The following SMCO2 variants were observed in gnomAD, a reference collection of about 807,000 sequenced individuals.
SMCO2 encodes the protein single-pass membrane and coiled-coil domain-containing protein 2.
Under a neutral mutation model 29.5 loss-of-function variants are expected in SMCO2, and 25 were observed. The ratio of observed to expected loss-of-function variants is 0.85; its 90% confidence interval spans 0.62 to 1.18. The LOEUF (loss-of-function observed/expected upper bound fraction) is 1.18, where lower values mean the gene tolerates loss of function less well. Among genes scored for constraint, SMCO2 ranks in the 50% most tolerant of loss-of-function variants. The pLI, the probability that SMCO2 is intolerant of heterozygous loss-of-function variation, is 0.00. For missense variants in SMCO2, 348 were observed against 344.5 expected, an observed-to-expected ratio of 1.01 and a Z score of -0.08; for synonymous variants, 117 against 123.3, an observed-to-expected ratio of 0.95 and a Z score of 0.34.
At chr12:27,494,226 A>G in intron 5 of SMCO2, 74 bp from the exon 7 acceptor site, 1 of 983,246 alleles carries the variant, frequency 1.0e-6, no homozygotes, top group Non-Finnish European at 1.4e-6. Context: ...GTTTGTCAAA[A>G]TAAGTGAGAT....
intron 4 of SMCO2, among the ~76,000 whole-genome samples, chr12:27,487,973 G>A (rs1949703873): frequency 6.6e-6 from 1 of 151,372 alleles, no homozygotes; most frequent in Non-Finnish European, 1.5e-5. Context: ...TTTTTATATA[G>A]TCTAGATACA....
chr12:27,478,495 A>G (rs1949610304), intron 4 of SMCO2, among the ~76,000 whole-genome samples: 1 of 152,310 alleles, frequency 6.6e-6, no homozygotes, highest in Non-Finnish European at 1.5e-5. Flanking sequence ...CAATAGTAGC[A>G]GCAGGCCAAT....
chr12:27,478,455 C>T (rs559159977), intron 4 of SMCO2, among the ~76,000 whole-genome samples: 2 of 152,252 alleles, frequency 1.3e-5, no homozygotes, highest in South Asian at 4.2e-4. Context: ...TCATCATGTC[C>T]CTGGGCACTG....
chr12:27,451,308 G>T, the SMCO2 span, among the ~76,000 whole-genome samples: 1 of 152,070 alleles, frequency 6.6e-6, no homozygotes, highest in African/African-American at 2.4e-5. Context: ...TGGAGGCTCA[G>T]CCTGACATTG....
the SMCO2 span, among the ~76,000 whole-genome samples, chr12:27,456,985 G>A: frequency 2.8e-4 from 43 of 152,304 alleles, no homozygotes; most frequent in Non-Finnish European, 5.1e-4. Context: ...TACTCCTTAT[G>A]AAAATCTAAT....
In SMCO2 at chr12:27,488,155, C is replaced by T. The variant is rs533438157; in HGVS notation, c.363-305C>T. Among the ~76,000 whole-genome samples the T allele has an allele frequency of 4.1e-4, 63 of 152,208 alleles. No homozygotes were observed. The South Asian group carries it at 0.013, about 31-fold the overall frequency. On this transcript the variant is annotated intron_variant, in intron 4 of 7. Coordinates refer to ENST00000298876, the Ensembl canonical transcript of SMCO2. Reference sequence around the variant, plus strand: ...TGATGTTAAGCCTAAGAACTCTTCTCCTAATCTTATGTCCCCCAAATTTTC... The same window carrying T: ...TGATGTTAAGCCTAAGAACTCTTCTTCTAATCTTATGTCCCCCAAATTTTC...
At chr12:27,446,646 G>A in the SMCO2 span, 1 of 152,124 alleles carries the variant, frequency 6.6e-6, no homozygotes, top group Non-Finnish European at 1.5e-5. Flanking sequence ...AGTTTAATAA[G>A]AGCCAATGTG....
intron 4 of SMCO2, among the ~76,000 whole-genome samples, chr12:27,477,690 T>G (rs1949602101): frequency 6.7e-6 from 1 of 149,684 alleles, no homozygotes; most frequent in Admixed American, 6.6e-5. Context: ...CTTCAAAGTT[T>G]AGAAATGTTT....
At chr12:27,479,055 G>T (rs1436254011) in intron 4 of SMCO2, among the ~76,000 whole-genome samples, 2 of 152,190 alleles carry the variant, frequency 1.3e-5, no homozygotes, top group African/African-American at 4.8e-5. Context: ...CTGTTGTCAG[G>T]CCCCTTGATA....
the SMCO2 span, among the ~76,000 whole-genome samples, chr12:27,429,518 G>A: frequency 2.7e-5 from 4 of 149,782 alleles, no homozygotes; most frequent in South Asian, 8.3e-4. Flanking sequence ...CCTAATTCTT[G>A]TTCTCCAGAG....
intron 5 of SMCO2, among the ~76,000 whole-genome samples, chr12:27,490,295 T>C (rs1467872588): frequency 1.3e-5 from 2 of 152,186 alleles, no homozygotes; most frequent in East Asian, 3.8e-4. Context: ...TTTATGTAAC[T>C]CTGAAAAAGG....
chr12:27,482,850 C>A (rs1379970676), intron 4 of SMCO2, among the ~76,000 whole-genome samples: 1 of 152,184 alleles, frequency 6.6e-6, no homozygotes, highest in African/African-American at 2.4e-5. Flanking sequence ...CCTCTGTTTC[C>A]CTAGTAGTTG....
the SMCO2 span, among the ~76,000 whole-genome samples, chr12:27,437,282 AC>A: frequency 6.6e-6 from 1 of 151,944 alleles, no homozygotes; most frequent in Non-Finnish European, 1.5e-5. Context: ...AAAAACAAAA[AC>A]AAAACATAGT....
At chr12:27,465,028 CAA>C (rs35630976), upstream of SMCO2, among the ~76,000 whole-genome samples, 233 of 60,548 alleles carry the variant, frequency 3.8e-3, no homozygotes, top group African/African-American at 0.012. Context: ...GACCCTGTCT[CAA>C]AAAAAAAAAA....
At chr12:27,490,284 G>A (rs1032488244) in intron 5 of SMCO2, among the ~76,000 whole-genome samples, 1 of 152,176 alleles carries the variant, frequency 6.6e-6, no homozygotes, top group African/African-American at 2.4e-5. Context: ...TTGTGCTTCT[G>A]TTTATGTAAC....
intron 4 of SMCO2, among the ~76,000 whole-genome samples, chr12:27,482,615 T>G (rs1176440860): frequency 6.6e-6 from 1 of 152,250 alleles, no homozygotes; most frequent in Non-Finnish European, 1.5e-5. Context: ...CATGGATTAT[T>G]TAAAGTATGT....
intron 2 of SMCO2, among the ~76,000 whole-genome samples, chr12:27,471,080 T>C (rs1949537295): frequency 6.6e-6 from 1 of 152,178 alleles, no homozygotes; most frequent in Non-Finnish European, 1.5e-5. Context: ...TAAAATACTT[T>C]CTGGCATAGA....
chr12:27,495,366 A>G (rs1942986133), intron 6 of SMCO2, among the ~76,000 whole-genome samples: 1 of 150,850 alleles, frequency 6.6e-6, no homozygotes, highest in Non-Finnish European at 1.5e-5. Context: ...CCCAATAAAT[A>G]TGCTTTGCAT....
chr12:27,494,271 T>C, intron 5 of SMCO2, 29 bp from the exon 7 acceptor site: 1 of 1,389,584 alleles, frequency 7.2e-7, no homozygotes, highest in East Asian at 2.9e-5. Flanking sequence ...TAAGTTTCAT[T>C]TTACCCAGAA....
Sources: gnomAD v4.1 joint callset for allele counts (sites outside exome capture counted in the v4.1 genomes callset) on GRCh38, gnomAD v4.1.1 for gene constraint, MANE v1.5 for transcripts, NCBI Gene and HGNC (gene_info 2026-07-23, HGNC 2026-07-21) for gene names.